GPC5: variants seen among roughly 807,000 people sequenced by gnomAD.
The protein encoded by GPC5 is glypican-5.
In GPC5, 47 loss-of-function variants were observed where a neutral mutation model predicts 53.9. The ratio of observed to expected loss-of-function variants is 0.87; its 90% CI spans 0.69 to 1.11. The LOEUF (loss-of-function observed/expected upper bound fraction) is 1.11, where lower values mean the gene tolerates loss of function less well. Among genes scored for constraint, GPC5 ranks in the 50% most tolerant of loss-of-function variants. The probability of loss-of-function intolerance (pLI) is 0.00; values close to 1 mark genes in which losing one functional copy is unlikely to be tolerated. For synonymous variants in GPC5, 286 were observed against 263.3 expected (o/e 1.09, Z -0.84); for missense variants, 748 against 713.1 (o/e 1.05, Z -0.56).
chr13:92,174,210 G>A (rs1167212524), intron 7 of GPC5, among the ~76,000 whole-genome samples: 1 of 152,074 alleles, frequency 6.6e-6, no homozygotes, highest in African/African-American at 2.4e-5. Context: ...TTTATTTCAT[G>A]TATATATTAA....
chr13:92,863,753 A>G (rs1879255907), intron 7 of GPC5, among the ~76,000 whole-genome samples: 1 of 152,102 alleles, frequency 6.6e-6, no homozygotes, highest in South Asian at 2.1e-4. Context: ...TCAGCCTCCC[A>G]AAGTGCTGAG....
chr13:91,952,822 T>C (rs906982978), intron 6 of GPC5, among the ~76,000 whole-genome samples: 2 of 152,130 alleles, frequency 1.3e-5, no homozygotes, highest in African/African-American at 4.8e-5. Context: ...ACTGAAACTG[T>C]GAATGCCATG....
chr13:91,999,075 T>G (rs1042898732), intron 6 of GPC5, among the ~76,000 whole-genome samples: 2 of 152,194 alleles, frequency 1.3e-5, no homozygotes, highest in African/African-American at 4.8e-5. Context: ...AACCTGAACT[T>G]TACAGTCTGT....
chr13:91,927,244 G>A (rs2039777755), intron 6 of GPC5, among the ~76,000 whole-genome samples: 1 of 152,166 alleles, frequency 6.6e-6, no homozygotes, highest in African/African-American at 2.4e-5. Flanking sequence ...TTAAGATTGG[G>A]TTATTAAGAC....
intron 6 of GPC5, among the ~76,000 whole-genome samples, chr13:92,095,754 C>T (rs1395686445): frequency 4.6e-5 from 7 of 152,072 alleles, no homozygotes; most frequent in Admixed American, 1.3e-4. Context: ...AGGCTGGTCT[C>T]GAATTCCTGA....
intron 7 of GPC5, among the ~76,000 whole-genome samples, chr13:92,563,484 C>CA (rs1212165475): frequency 6.6e-6 from 1 of 151,948 alleles, no homozygotes; most frequent in Non-Finnish European, 1.5e-5. Flanking sequence ...GAAAAGGACT[C>CA]AATTAATGCA....
At chr13:92,287,593 C>A (rs536336313) in intron 7 of GPC5, among the ~76,000 whole-genome samples, 74 of 152,202 alleles carry the variant, frequency 4.9e-4, no homozygotes, top group African/African-American at 1.6e-3. Flanking sequence ...TTAAATATAT[C>A]ATCTCAGGGT....
chr13:91,886,636 A>G (rs2039325336), intron 5 of GPC5, among the ~76,000 whole-genome samples: 1 of 152,192 alleles, frequency 6.6e-6, no homozygotes, highest in South Asian at 2.1e-4. Context: ...GGTACTCCCA[A>G]GGTATTTACG....
intron 7 of GPC5, among the ~76,000 whole-genome samples, chr13:92,522,518 AC>A (rs1881100333): frequency 6.6e-6 from 1 of 152,168 alleles, no homozygotes; most frequent in Admixed American, 6.6e-5. Flanking sequence ...TATTGCAAGA[AC>A]AAAAAAACAA....
chr13:91,704,731 G>A (rs1490072840), intron 3 of GPC5, among the ~76,000 whole-genome samples: 2 of 152,190 alleles, frequency 1.3e-5, no homozygotes, highest in African/African-American at 2.4e-5. Context: ...CATATTACAT[G>A]ATCCTCGGAG....
intron 7 of GPC5, among the ~76,000 whole-genome samples, chr13:92,767,393 C>T (rs995766866): frequency 4.6e-5 from 7 of 152,136 alleles, no homozygotes; most frequent in African/African-American, 1.7e-4. Flanking sequence ...ATCACTCGAA[C>T]CTGGGAGGCA....
At chr13:92,060,085 A>G (rs2041110469) in intron 6 of GPC5, 1 of 152,046 alleles carries the variant, frequency 6.6e-6, no homozygotes, top group Non-Finnish European at 1.5e-5. Flanking sequence ...TATTATAAAT[A>G]CATTTGATAT....
chr13:92,775,914 G>T (rs932421195), intron 7 of GPC5, among the ~76,000 whole-genome samples: 2 of 152,118 alleles, frequency 1.3e-5, no homozygotes, highest in African/African-American at 4.8e-5. Flanking sequence ...TAACTTTTAA[G>T]CACCTACTCT....
At position 92,538,903 on chromosome 13, in the gene GPC5, C is replaced by T. The variant is rs1426393696; in HGVS notation, c.1562-327379C>T. On this transcript the variant is annotated intron_variant, in intron 7 of 7. Transcript: ENST00000377067. ...TATATATATACACCATATATATATA[C>T]CTTGTATATATATATACACCATATA... Among the ~76,000 whole-genome samples, 2 of 43,498 alleles carry T rather than the reference C, an allele frequency of 4.6e-5. 1 individual carries two copies. The highest frequency in any genetic ancestry group is 2.3e-4 in the African/African-American group (2 of 8,516). 28.5% of individuals were successfully genotyped at this position (43,498 alleles called of 152,430 possible). A position where few individuals can be genotyped will look rare whatever the true frequency, so the allele number is the denominator to read the frequency against.
At chr13:92,477,416 G>A (rs1359538734) in intron 7 of GPC5, among the ~76,000 whole-genome samples, 1 of 151,582 alleles carries the variant, frequency 6.6e-6, no homozygotes, top group East Asian at 1.9e-4. Flanking sequence ...AAGAACCCAG[G>A]CATGTATCTG....
chr13:92,025,968 A>G (rs1330382087), intron 6 of GPC5, among the ~76,000 whole-genome samples: 1 of 152,154 alleles, frequency 6.6e-6, no homozygotes, highest in Non-Finnish European at 1.5e-5. Flanking sequence ...TTTTAAGAAA[A>G]CTATTGCAAT....
At chr13:92,003,555 T>C (rs1338132688) in intron 6 of GPC5, among the ~76,000 whole-genome samples, 4 of 152,148 alleles carry the variant, frequency 2.6e-5, no homozygotes, top group Non-Finnish European at 5.9e-5. Flanking sequence ...TAACAGATTA[T>C]AGGATGTCAG....
rs1437372331 is a variant in GPC5 at position 92,866,401 on chromosome 13, C to T, written c.1681C>T (p.Leu561=). 1.2e-6 allele frequency: 2 copies of T among 1,611,122 alleles called. No individual in the cohort carries two copies. Among genetic ancestry groups the T allele is most frequent in the Non-Finnish European group, 1.7e-6 (2 of 1,178,186 alleles). The part of the protein sequence containing the change: ...AVATESMTFT[L]ISVVMLLPGI... The stretch of plus-strand genomic sequence containing the variant: ...GGCGACTGAATCTATGACATTCACT[C>T]TGATAAGTGTGGTGATGTTACTTCC... The change falls in exon 8 of 8, where the codon CTG becomes TTG. Residue 561 remains leucine (L), a synonymous_variant. Coordinates refer to ENST00000377067, the MANE Select transcript of GPC5 (RefSeq NM_004466.6).
intron 7 of GPC5, among the ~76,000 whole-genome samples, chr13:92,694,070 C>T (rs561918894): frequency 6.6e-6 from 1 of 152,190 alleles, no homozygotes; most frequent in Non-Finnish European, 1.5e-5. Context: ...GTGCAAGACC[C>T]AAACCTTGGT....
Sources: gnomAD v4.1 joint callset for allele counts (sites outside exome capture counted in the v4.1 genomes callset) on GRCh38, gnomAD v4.1.1 for gene constraint, MANE v1.5 for transcripts, NCBI Gene and HGNC (gene_info 2026-07-23, HGNC 2026-07-21) for gene names.